TMEM38B: variants seen among roughly 807,000 people sequenced by gnomAD.
TMEM38B encodes transmembrane protein 38B.
TMEM38B carries 24 observed loss-of-function variants against 28.7 expected under a neutral mutation model. The ratio of observed to expected loss-of-function variants is 0.84; its 90% CI spans 0.61 to 1.18. TMEM38B has a LOEUF of 1.18. Ranked by LOEUF, TMEM38B falls within the 50% of genes most tolerant of loss-of-function variation. The pLI is 0.00. For missense variants in TMEM38B, 380 were observed against 350.9 expected (o/e 1.08, Z -0.66); for synonymous variants, 131 against 127.7 (o/e 1.03, Z -0.17).
intron 5 of TMEM38B, among the ~76,000 whole-genome samples, chr9:105,748,787 C>T (rs111770054): frequency 1.3e-3 from 199 of 152,266 alleles, no homozygotes; most frequent in African/African-American, 4.6e-3. Context: ...GTCTTTCTGT[C>T]ACTGTATCTC....
At chr9:105,713,818 A>G (rs1034331294) in intron 2 of TMEM38B, among the ~76,000 whole-genome samples, 4 of 151,996 alleles carry the variant, frequency 2.6e-5, no homozygotes, top group Non-Finnish European at 5.9e-5. Flanking sequence ...ATCAGCATGC[A>G]TTTCTCTCCT....
chr9:105,771,366 G>A (rs567032632), intron 5 of TMEM38B, among the ~76,000 whole-genome samples: 1 of 152,284 alleles, frequency 6.6e-6, no homozygotes, highest in African/African-American at 2.4e-5. Context: ...TATCTCAGCT[G>A]TAATTTCTGA....
chr9:105,748,611 G>T (rs1837523439), intron 5 of TMEM38B, among the ~76,000 whole-genome samples: 1 of 152,102 alleles, frequency 6.6e-6, no homozygotes, highest in African/African-American at 2.4e-5. Flanking sequence ...CTATTGCCTG[G>T]TTGGAAGCTT....
rs111269819 is a variant in TMEM38B, at chr9:105,705,613, A to G, written c.129A>G (p.Ala43=). The change falls in exon 2 of 6, where the codon GCA becomes GCG. Residue 43 remains alanine (A), a synonymous_variant. Transcript: ENST00000374692. ...CCATTTCAGGAGCAGCTGCATTGGC[A>G]TGGAAGAATCCTATTTCAAGCTGGT... ...VKRQPGAAAL[A]WKNPISSWFT... is the part of the protein sequence containing the mutation. 4.3e-6 allele frequency: 7 copies of G among 1,613,752 alleles called. No homozygotes were observed. The African/African-American group carries it at 5.3e-5, about 12-fold the overall frequency.
At chr9:105,733,231 C>A (rs1836831040) in intron 4 of TMEM38B, among the ~76,000 whole-genome samples, 1 of 152,074 alleles carries the variant, frequency 6.6e-6, no homozygotes, top group South Asian at 2.1e-4. Flanking sequence ...GTGGAGAGTT[C>A]TGTAGCTATC....
At chr9:105,770,436 T>G (rs906615233) in intron 5 of TMEM38B, among the ~76,000 whole-genome samples, 6 of 152,170 alleles carry the variant, frequency 3.9e-5, no homozygotes, top group Admixed American at 1.3e-4. Flanking sequence ...CTTAAAGATA[T>G]ACATTGAATA....
intron 2 of TMEM38B, among the ~76,000 whole-genome samples, chr9:105,715,599 C>T (rs1836069161): frequency 6.6e-6 from 1 of 151,978 alleles, no homozygotes; most frequent in African/African-American, 2.4e-5. Context: ...ACCTGCTTTT[C>T]ACTTGTTTTT....
intron 5 of TMEM38B, among the ~76,000 whole-genome samples, chr9:105,756,099 A>T (rs1339618688): frequency 6.6e-6 from 1 of 152,184 alleles, no homozygotes; most frequent in Non-Finnish European, 1.5e-5. Context: ...CAGTGAGCCG[A>T]GATCGCGCCA....
intron 5 of TMEM38B, among the ~76,000 whole-genome samples, chr9:105,748,825 T>C (rs1266979094): frequency 6.6e-6 from 1 of 152,236 alleles, no homozygotes; most frequent in Non-Finnish European, 1.5e-5. Flanking sequence ...TGTTTGCAGC[T>C]GTATCATGAG....
intron 2 of TMEM38B, among the ~76,000 whole-genome samples, chr9:105,711,738 T>C (rs939535749): frequency 1.3e-5 from 2 of 150,154 alleles, no homozygotes; most frequent in Non-Finnish European, 3.0e-5. Context: ...GAGAATCACC[T>C]GAACCCTGGA....
chr9:105,698,092 C>G (rs1835347151), intron 1 of TMEM38B, among the ~76,000 whole-genome samples: 1 of 148,222 alleles, frequency 6.7e-6, no homozygotes, highest in Non-Finnish European at 1.5e-5. Context: ...GTCCTTAGTT[C>G]TTGTTTGTTT....
At chr9:105,759,823 A>T in intron 5 of TMEM38B, 1 of 1,603,964 alleles carries the variant, frequency 6.2e-7, no homozygotes, top group Non-Finnish European at 8.5e-7. Flanking sequence ...TGGGAAATGC[A>T]AGTCAAAACA....
Position 105,774,337 on chromosome 9 carries a change from AT to A in TMEM38B, c.*258del, listed in dbSNP as rs1826660524. On this transcript the variant is annotated 3_prime_UTR_variant, in exon 6 of 6. Coordinates refer to ENST00000374692, the MANE Select transcript of TMEM38B (RefSeq NM_018112.3). ...TGATTATTTGAATAGTTTTATATTAATAAAAGAAGACAAAATTTTTTAAATG... is the reference window on the plus strand; with the variant it reads ...TGATTATTTGAATAGTTTTATATTAAAAAAGAAGACAAAATTTTTTAAATG... The A allele has an allele frequency of 3.8e-6, 1 of 260,110 alleles. No individual in the cohort carries two copies. Among genetic ancestry groups the A allele is most frequent in the Admixed American group, 5.4e-5 (1 of 18,620 alleles). 16.1% of individuals were successfully genotyped at this position (260,110 alleles called of 1,614,324 possible).
intron 5 of TMEM38B, among the ~76,000 whole-genome samples, chr9:105,752,623 A>G (rs976218938): frequency 2.0e-5 from 3 of 152,216 alleles, no homozygotes; most frequent in African/African-American, 7.2e-5. Context: ...ACAGAAAACA[A>G]CAACAACATA....
chr9:105,755,069 C>G (rs1416174865), intron 5 of TMEM38B, among the ~76,000 whole-genome samples: 1 of 152,172 alleles, frequency 6.6e-6, no homozygotes, highest in African/African-American at 2.4e-5. Context: ...GACACATACA[C>G]CCTTGCAAGA....
intron 5 of TMEM38B, among the ~76,000 whole-genome samples, chr9:105,771,791 G>A (rs183402143): frequency 2.0e-5 from 3 of 152,094 alleles, no homozygotes; most frequent in Non-Finnish European, 2.9e-5. Flanking sequence ...TTTACCTTTC[G>A]CTTGTATGAT....
At chr9:105,700,891 T>C (rs2133545815) in intron 1 of TMEM38B, 1 of 152,084 alleles carries the variant, frequency 6.6e-6, no homozygotes, top group South Asian at 2.1e-4. Context: ...AAATAGAACA[T>C]TTATGACACT....
At chr9:105,750,638 CA>C (rs749252275) in intron 5 of TMEM38B, among the ~76,000 whole-genome samples, 10 of 132,378 alleles carry the variant, frequency 7.6e-5, no homozygotes, top group South Asian at 2.3e-4. Context: ...AAAAAACACA[CA>C]TTTTTTTTAT....
intron 5 of TMEM38B, among the ~76,000 whole-genome samples, chr9:105,753,257 A>T (rs1837723463): frequency 6.6e-6 from 1 of 152,236 alleles, no homozygotes; most frequent in Non-Finnish European, 1.5e-5. Context: ...GATATCATCC[A>T]GGAGAACTTC....
Sources: allele counts gnomAD v4.1 joint callset (sites outside exome capture counted in the v4.1 genomes callset), GRCh38; gene constraint gnomAD v4.1.1; transcripts MANE v1.5; gene names NCBI Gene and HGNC (gene_info 2026-07-23, HGNC 2026-07-21).